Variants in NRG1 observed in about 807,000 individuals in gnomAD.
NRG1 encodes neuregulin 1.
NRG1 carries 18 observed loss-of-function variants against 63.8 expected under a neutral mutation model. That is an observed-to-expected ratio of 0.28 (90% CI 0.19 to 0.42). The LOEUF (loss-of-function observed/expected upper bound fraction) is 0.42. Among genes scored for constraint, NRG1 ranks in the 10% least tolerant of loss-of-function variants. The pLI, the probability that NRG1 is intolerant of heterozygous loss-of-function variation, is 1.00. For missense variants in NRG1, 762 were observed against 814.7 expected, an observed-to-expected ratio of 0.94 and a Z score of 0.79; for synonymous variants, 302 against 301.3, an observed-to-expected ratio of 1.00 and a Z score of -0.02.
chr8:31,854,335 T>A (rs1827606317), intron 1 of NRG1, among the ~76,000 whole-genome samples: 1 of 152,224 alleles, frequency 6.6e-6, no homozygotes, highest in Non-Finnish European at 1.5e-5. Context: ...CCTGGTTTAG[T>A]CTTGGGAGAG....
intron 1 of NRG1, among the ~76,000 whole-genome samples, chr8:32,175,038 T>C (rs2132047310): frequency 6.6e-6 from 1 of 152,238 alleles, no homozygotes; most frequent in East Asian, 1.9e-4. Flanking sequence ...ATAAAGAGAA[T>C]TTTAGACCAA....
chr8:32,317,931 G>A (rs1203955545), intron 1 of NRG1, among the ~76,000 whole-genome samples: 1 of 152,086 alleles, frequency 6.6e-6, no homozygotes, highest in African/African-American at 2.4e-5. Context: ...TCTATATGAC[G>A]CCAGGGCTTA....
chr8:31,935,841 G>T (rs769802784), intron 1 of NRG1, among the ~76,000 whole-genome samples: 1 of 152,154 alleles, frequency 6.6e-6, no homozygotes, highest in Non-Finnish European at 1.5e-5. Flanking sequence ...GATCTACCCC[G>T]TAAGGCTCCA....
chr8:32,298,502 G>T (rs936225807), intron 1 of NRG1, among the ~76,000 whole-genome samples: 1 of 151,664 alleles, frequency 6.6e-6, no homozygotes, highest in Non-Finnish European at 1.5e-5. Context: ...GATCACCAGA[G>T]GTCGGGAGTT....
intron 1 of NRG1, among the ~76,000 whole-genome samples, chr8:32,077,186 G>A (rs1826701226): frequency 6.6e-6 from 1 of 152,156 alleles, no homozygotes; most frequent in Non-Finnish European, 1.5e-5. Context: ...GGCCAACATG[G>A]TGAAACCCCG....
At chr8:32,664,713 T>C (rs968140852) in intron 5 of NRG1, among the ~76,000 whole-genome samples, 7 of 152,024 alleles carry the variant, frequency 4.6e-5, no homozygotes, top group Admixed American at 2.6e-4. Flanking sequence ...CATGCATGAG[T>C]CTAAGGAAGA....
intron 1 of NRG1, among the ~76,000 whole-genome samples, chr8:31,851,505 T>C (rs16878362): frequency 0.06 from 9,084 of 152,324 alleles, 345 homozygotes; most frequent in Admixed American, 0.12. Context: ...AAAGGCATTT[T>C]ATTTTTAACA....
intron 1 of NRG1, among the ~76,000 whole-genome samples, chr8:32,463,537 A>G (rs1014580067): frequency 1.3e-5 from 2 of 152,112 alleles, no homozygotes; most frequent in Non-Finnish European, 2.9e-5. Context: ...GAATGGGAAA[A>G]ATTATATTAA....
intron 1 of NRG1, among the ~76,000 whole-genome samples, chr8:31,707,073 C>T (rs565838977): frequency 4.6e-5 from 7 of 151,732 alleles, no homozygotes; most frequent in South Asian, 2.1e-4. Context: ...CATTTTTCTT[C>T]GTGGCTTCTG....
intron 1 of NRG1, among the ~76,000 whole-genome samples, chr8:31,722,865 A>G (rs1813059639): frequency 6.6e-6 from 1 of 152,146 alleles, no homozygotes; most frequent in South Asian, 2.1e-4. Context: ...TTAAAGGTTA[A>G]TGTGATGCTG....
At chr8:31,983,459 A>C (rs1291960261) in intron 1 of NRG1, among the ~76,000 whole-genome samples, 1 of 151,986 alleles carries the variant, frequency 6.6e-6, no homozygotes, top group African/African-American at 2.4e-5. Flanking sequence ...GGCTCACTGC[A>C]GCCTCAACCT....
At chr8:32,104,182 C>T (rs1240360711) in intron 1 of NRG1, among the ~76,000 whole-genome samples, 1 of 152,194 alleles carries the variant, frequency 6.6e-6, no homozygotes, top group Non-Finnish European at 1.5e-5. Flanking sequence ...GTGGTCTAGC[C>T]TCTTACTCCT....
chr8:32,371,193 C>T (rs1563373183), intron 1 of NRG1, among the ~76,000 whole-genome samples: 1 of 152,110 alleles, frequency 6.6e-6, no homozygotes, highest in Non-Finnish European at 1.5e-5. Flanking sequence ...GCCTGGACAA[C>T]AGAGCAGAAC....
intron 1 of NRG1, among the ~76,000 whole-genome samples, chr8:32,145,331 GC>G (rs1300291976): frequency 6.6e-6 from 1 of 152,152 alleles, no homozygotes; most frequent in Admixed American, 6.6e-5. Flanking sequence ...TAGAATGAAT[GC>G]CATTCTTATG....
At chr8:31,705,067 CT>C (rs1811012025) in intron 1 of NRG1, among the ~76,000 whole-genome samples, 1 of 151,906 alleles carries the variant, frequency 6.6e-6, no homozygotes, top group South Asian at 2.1e-4. Flanking sequence ...GACGGAGTCT[CT>C]GTCTGTTGCC....
chr8:32,683,047 C>A (rs2032277442), intron 5 of NRG1, among the ~76,000 whole-genome samples: 1 of 152,062 alleles, frequency 6.6e-6, no homozygotes, highest in African/African-American at 2.4e-5. Flanking sequence ...TGCTTAAAGG[C>A]TTTAGCTATT....
At chr8:31,658,887 T>C (rs763253642) in intron 1 of NRG1, among the ~76,000 whole-genome samples, 4 of 152,164 alleles carry the variant, frequency 2.6e-5, no homozygotes, top group Non-Finnish European at 4.4e-5. Context: ...TCTTGACTAC[T>C]TGATTGCTGC....
At chr8:32,309,690 T>C (rs1295531854) in intron 1 of NRG1, among the ~76,000 whole-genome samples, 1 of 152,164 alleles carries the variant, frequency 6.6e-6, no homozygotes, top group Non-Finnish European at 1.5e-5. Context: ...TCCTCCCTTG[T>C]GCATAGATAT....
intron 1 of NRG1, among the ~76,000 whole-genome samples, chr8:32,412,423 CATATATATAT>C (rs1178545836): frequency 4.3e-5 from 4 of 93,022 alleles, no homozygotes; most frequent in African/African-American, 8.3e-5. Context: ...TCTCTCTCTA[CATATATATAT>C]ATATATATAT....
Sources: gnomAD v4.1 joint callset for allele counts (sites outside exome capture counted in the v4.1 genomes callset) on GRCh38, gnomAD v4.1.1 for gene constraint, MANE v1.5 for transcripts, NCBI Gene and HGNC (gene_info 2026-07-23, HGNC 2026-07-21) for gene names.